PLEC: variants seen among roughly 807,000 people sequenced by gnomAD.
PLEC encodes plectin.
A neutral mutation model predicts 392.8 loss-of-function variants in PLEC; 216 were observed. The ratio of observed to expected loss-of-function variants is 0.55; its 90% confidence interval spans 0.49 to 0.62. The LOEUF (loss-of-function observed/expected upper bound fraction) is 0.62. Ranked by LOEUF, PLEC falls within the 20% of genes least tolerant of loss-of-function variation. PLEC has a pLI of 0.00. For missense variants in PLEC, 6,863 were observed against 6,563.4 expected, an observed-to-expected ratio of 1.05 and a Z score of -1.58; for synonymous variants, 3,621 against 2,980.6, an observed-to-expected ratio of 1.21 and a Z score of -7.00.
chr8:143,945,748 C>T (rs534202178), intron 1 of PLEC, among the ~76,000 whole-genome samples: 5 of 152,360 alleles, frequency 3.3e-5, no homozygotes, highest in African/African-American at 1.2e-4. Flanking sequence ...AGCCTGGCCC[C>T]GGGCCACTGG....
rs78461695 is a variant in PLEC, at chr8:143,918,101, G to A, written c.11720C>T (p.Thr3907Met). 14,791 of 1,596,684 alleles carry A rather than the reference G, an allele frequency of 9.3e-3. 75 individuals carry two copies. Among genetic ancestry groups the A allele is most frequent in the Non-Finnish European group, 0.011 (12,856 of 1,175,914 alleles). Residue 3907 changes from threonine to methionine, a missense_variant, in exon 32 of 32, where the codon ACG becomes ATG. By Grantham distance (81) the Thr-to-Met change is moderately conservative (BLOSUM62 -1). Coordinates refer to ENST00000345136, the MANE Select transcript of PLEC (RefSeq NM_201384.3). ...CAGGCCCTCCCGCAGCTGCAGCGCCGTGGCCTCGTCCATGACCTGCGAGCG... is the reference window on the plus strand; with the variant it reads ...CAGGCCCTCCCGCAGCTGCAGCGCCATGGCCTCGTCCATGACCTGCGAGCG... Reference protein sequence around the residue: ...LVRSQVMDEATALQLREGLTS... With the variant: ...LVRSQVMDEAMALQLREGLTS...
At chr8:143,942,062 G>C (rs971863872), upstream of PLEC, among the ~76,000 whole-genome samples, 1 of 152,056 alleles carries the variant, frequency 6.6e-6, no homozygotes, top group Non-Finnish European at 1.5e-5. Flanking sequence ...AGAAGGCCTG[G>C]AGCCCCGCCT....
chr8:143,947,386 G>A (rs540628750), intron 1 of PLEC, among the ~76,000 whole-genome samples: 88 of 152,348 alleles, frequency 5.8e-4, no homozygotes, highest in Middle Eastern at 3.4e-3. Flanking sequence ...CATGGACAGC[G>A]CTCAGCTGGC....
intron 1 of PLEC, among the ~76,000 whole-genome samples, chr8:143,964,072 T>A (rs1554741570): frequency 6.6e-6 from 1 of 152,162 alleles, no homozygotes; most frequent in African/African-American, 2.4e-5. Flanking sequence ...CCCAAAGTGC[T>A]GGGATTACAG....
At chr8:143,956,308 G>A (rs550812418), upstream of PLEC, among the ~76,000 whole-genome samples, 15 of 152,318 alleles carry the variant, frequency 9.8e-5, 1 homozygote, top group South Asian at 1.7e-3. Flanking sequence ...TTGGCCAGGC[G>A]TGGTGGCTGA....
At chr8:143,941,502 C>T (rs921803105), upstream of PLEC, among the ~76,000 whole-genome samples, 2 of 151,340 alleles carry the variant, frequency 1.3e-5, no homozygotes, top group East Asian at 2.0e-4. Flanking sequence ...AGGCTGGGAC[C>T]GGGTGAGGAG....
chr8:143,925,198 C>T lies in PLEC; in HGVS notation c.4731G>A (p.Glu1577=). 1.3e-6 allele frequency: 2 copies of T among 1,585,380 alleles called. No individual in the cohort carries two copies. The highest frequency in any genetic ancestry group is 1.7e-6 in the Non-Finnish European group (2 of 1,174,202). ...CGAAGGAGGCGCGTTTGCTCTGCAG[C>T]TCCGCCTCTGCACTGCGCTGCGCCG... ...LETAQRSAEA[E]LQSKRASFAE... Residue 1577 remains glutamate (E), a synonymous_variant, in exon 31 of 32, where the codon GAG becomes GAA. Coordinates refer to ENST00000345136, the MANE Select transcript of PLEC (RefSeq NM_201384.3).
chr8:143,944,856 G>T lies in PLEC; in HGVS notation c.523+5328C>A. On this transcript the variant is annotated intron_variant, in intron 1 of 31. Transcript: ENST00000322810. ...GGGCCCAGGGGATATAAATATCCGA[G>T]GAGGGCGCGCAAGGACCGTCACCAC... 3 of 531,346 alleles carry T rather than the reference G, an allele frequency of 5.6e-6. No homozygotes were observed. The South Asian group carries it at 1.4e-4, about 25-fold the overall frequency. 32.9% of individuals were successfully genotyped at this position (531,346 alleles called of 1,614,324 possible). A position where few individuals can be genotyped will look rare whatever the true frequency, so the allele number is the denominator to read the frequency against.
Position 143,924,195 on chromosome 8 carries a change from G to A in PLEC, c.5734C>T (p.Leu1912=). The A allele has an allele frequency of 1.9e-6, 3 of 1,598,958 alleles. No individual in the cohort carries two copies. The highest frequency in any genetic ancestry group is 2.5e-6 in the Non-Finnish European group (3 of 1,179,536). Reference sequence around the variant, plus strand: ...CGCTGCCTCAGCGTGTCCTCCACCAGCCCCTTCTGCCGCTCCAGCTCGCTG... The same window carrying A: ...CGCTGCCTCAGCGTGTCCTCCACCAACCCCTTCTGCCGCTCCAGCTCGCTG... ...SDSELERQKG[L]VEDTLRQRRQ... Residue 1912 remains leucine, a synonymous_variant, in exon 31 of 32, where the codon CTG becomes TTG. Coordinates refer to ENST00000345136, the MANE Select transcript of PLEC (RefSeq NM_201384.3).
In PLEC at chr8:143,950,540, C is replaced by T. The variant is rs371337955; in HGVS notation, c.167G>A (p.Arg56Gln). 7.9e-5 allele frequency: 127 copies of T among 1,607,730 alleles called. No homozygotes were observed. In the African/African-American group the frequency reaches 1.4e-3, roughly 18 times the overall value. The change falls in exon 1 of 32, where the codon CGG (arginine) becomes CAG (glutamine). Residue 56 changes from arginine (R) to glutamine (Q), a missense_variant. Arg to Gln is a conservative substitution (Grantham distance 43). Coordinates refer to the PLEC transcript ENST00000322810. The stretch of plus-strand genomic sequence containing the variant: ...GGTCTCGCGGACCAGGCCCCGTGCC[C>T]GCAGGGACGCCATGGCACGCATGAC...
intron 9 of PLEC, 27 bp from the exon 10 acceptor site, chr8:143,934,757 C>G: frequency 3.7e-6 from 6 of 1,612,214 alleles, no homozygotes; most frequent in Non-Finnish European, 5.1e-6. Context: ...TGTCGGCAAC[C>G]ACGCCGGGCT....
Position 143,927,314 on chromosome 8 carries a change from GCTCGAT to G in PLEC, c.3772_3777del (p.Ile1258_Glu1259del). 6.2e-7 allele frequency: 1 copy of G among 1,613,124 alleles called. No homozygotes were observed. Among genetic ancestry groups the G allele is most frequent in the Non-Finnish European group, 8.5e-7 (1 of 1,179,938 alleles). On this transcript the variant is annotated inframe_deletion, in exon 28 of 32. Coordinates refer to ENST00000345136, the MANE Select transcript of PLEC (RefSeq NM_201384.3). The stretch of plus-strand genomic sequence containing the variant: ...CACTCCTCGACCTTCTCGCCGTGGC[GCTCGAT>G]CTCCTCCAGCAGGGCCTGGGTGATG...
intron 23 of PLEC, 34 bp downstream of exon 23, chr8:143,929,612 C>G (rs782768656): frequency 1.2e-6 from 2 of 1,609,628 alleles, no homozygotes; most frequent in Non-Finnish European, 1.7e-6. Flanking sequence ...CCACCTCGCA[C>G]CAGCCCAACC....
Position 143,927,523 on chromosome 8 carries a change from T to A in PLEC, c.3643A>T (p.Ser1215Cys). 1 of 1,597,516 alleles carries A rather than the reference T, an allele frequency of 6.3e-7. No homozygotes were observed. Among genetic ancestry groups the A allele is most frequent in the Non-Finnish European group, 8.5e-7 (1 of 1,179,044 alleles). The change falls in exon 27 of 32, where the codon AGT (serine) becomes TGT (cysteine). Residue 1215 changes from serine (S) to cysteine (C), a missense_variant. Coordinates refer to ENST00000345136, the MANE Select transcript of PLEC (RefSeq NM_201384.3). ...LGRQLRYYRESADPLGAWLQD... is the reference protein window; with the variant it reads ...LGRQLRYYRECADPLGAWLQD... Reference sequence around the variant, plus strand: ...AGCCAGGCGCCCAAGGGGTCTGCACTCTCGCGGTAGTAACGCAGCTGGCGG... The same window carrying A: ...AGCCAGGCGCCCAAGGGGTCTGCACACTCGCGGTAGTAACGCAGCTGGCGG...
rs782573460 is a variant in PLEC, at chr8:143,924,897, T to C, written c.5032A>G (p.Lys1678Glu). 6 of 1,589,004 alleles carry C rather than the reference T, an allele frequency of 3.8e-6. No homozygotes were observed. In the Admixed American group the frequency reaches 6.7e-5, roughly 18 times the overall value. The change falls in exon 31 of 32, where the codon AAG (lysine) becomes GAG (glutamate). Residue 1678 changes from lysine to glutamate, a missense_variant. Coordinates refer to ENST00000345136, the MANE Select transcript of PLEC (RefSeq NM_201384.3). ...EAEREARRRGKAEEQAVRQRE... is the reference protein window; with the variant it reads ...EAEREARRRGEAEEQAVRQRE... Reference sequence around the variant, plus strand: ...TGCCGGACGGCCTGCTCCTCCGCCTTGCCGCGCCGCCGCGCCTCGCGCTCC... The same window carrying C: ...TGCCGGACGGCCTGCTCCTCCGCCTCGCCGCGCCGCCGCGCCTCGCGCTCC...
At chr8:143,954,081 G>A (rs1832454678), upstream of PLEC, among the ~76,000 whole-genome samples, 1 of 151,612 alleles carries the variant, frequency 6.6e-6, no homozygotes, top group Admixed American at 6.6e-5. This position sits in a 1 kb window ranked among gnomAD's most constrained non-coding sequence, Gnocchi z 4.6. Context: ...CCCCAGCTCC[G>A]CAGCCCCCGG....
In PLEC at chr8:143,919,103, T is replaced by A; in HGVS notation, c.10718A>T (p.Asp3573Val). The A allele has an allele frequency of 6.2e-7, 1 of 1,612,516 alleles. No individual in the cohort carries two copies. The highest frequency in any genetic ancestry group is 8.5e-7 in the Non-Finnish European group (1 of 1,180,020). ...GCCGTGGCTGCCGCCGCCGGGAATG[T>A]CGATCTGTGTCTCTTCAAATGCCCT... is the stretch of plus-strand genomic sequence containing the variant. ...TRRAFEETQIDIPGGGSHGGS... is the reference protein window; with the variant it reads ...TRRAFEETQIVIPGGGSHGGS... Residue 3573 changes from aspartate (D) to valine (V), a missense_variant, in exon 32 of 32, where the codon GAC becomes GTC. Transcript: ENST00000345136.
intron 1 of PLEC, among the ~76,000 whole-genome samples, chr8:143,949,698 G>A (rs888214425): frequency 1.3e-5 from 2 of 152,170 alleles, no homozygotes; most frequent in South Asian, 2.1e-4. Context: ...CTCAGTTACC[G>A]GTCACACCGG....
rs533410461 is a variant in PLEC at position 143,927,967 on chromosome 8, G to A, written c.3286C>T (p.Arg1096Cys). 8.3e-5 allele frequency: 133 copies of A among 1,601,520 alleles called. No homozygotes were observed. In the East Asian group the frequency reaches 2.6e-3, roughly 31 times the overall value. ...EKLKTISLVIRGTQGAEEVLR... is the reference protein window; with the variant it reads ...EKLKTISLVICGTQGAEEVLR... ...ACCTCCTCGGCCCCCTGCGTGCCGC[G>A]GATCACCAGGCTGATGGTCTTGAGC... The change falls in exon 26 of 32, where the codon CGC becomes TGC. Residue 1096 changes from arginine to cysteine, a missense_variant. Arg to Cys is a radical substitution (Grantham distance 180, BLOSUM62 -3). Transcript: ENST00000345136.
Sources: allele counts gnomAD v4.1 joint callset (sites outside exome capture counted in the v4.1 genomes callset), GRCh38; gene constraint gnomAD v4.1.1; non-coding constraint Gnocchi (gnomAD v3.1); transcripts MANE v1.5; gene names NCBI Gene and HGNC (gene_info 2026-07-23, HGNC 2026-07-21).